CAMSAP1: variants seen among roughly 807,000 people sequenced by gnomAD.
CAMSAP1 encodes calmodulin regulated spectrin associated protein 1.
Under a neutral mutation model 143.5 loss-of-function variants are expected in CAMSAP1, and 58 were observed. The observed-to-expected ratio is 0.40, with a 90% confidence interval of 0.33 to 0.50. The LOEUF is 0.50. Ranked by LOEUF, CAMSAP1 falls within the 20% of genes least tolerant of loss-of-function variation. The pLI, the probability that CAMSAP1 is intolerant of heterozygous loss-of-function variation, is 0.45. For missense variants in CAMSAP1, 1,969 were observed against 2,115.7 expected, an observed-to-expected ratio of 0.93 and a Z score of 1.36; for synonymous variants, 945 against 859.3, an observed-to-expected ratio of 1.10 and a Z score of -1.74.
intron 1 of CAMSAP1, among the ~76,000 whole-genome samples, chr9:135,893,145 G>A (rs1243398188): frequency 6.6e-6 from 1 of 151,768 alleles, no homozygotes; most frequent in Non-Finnish European, 1.5e-5. Context: ...ACTCCAGCCT[G>A]GGAGACAGAA....
At chr9:135,836,966 T>C (rs1357678483) in intron 7 of CAMSAP1, 1 of 977,562 alleles carries the variant, frequency 1.0e-6, no homozygotes. Context: ...ACACACTTTC[T>C]ACCCATTCTA....
At chr9:135,812,097 A>G (rs759455621) in intron 16 of CAMSAP1, among the ~76,000 whole-genome samples, 2 of 152,190 alleles carry the variant, frequency 1.3e-5, no homozygotes, top group Non-Finnish European at 2.9e-5. Context: ...CCTCTCTCAC[A>G]TATGTACTCA....
At chr9:135,833,215 G>A (rs1053867873) in intron 7 of CAMSAP1, among the ~76,000 whole-genome samples, 3 of 151,390 alleles carry the variant, frequency 2.0e-5, no homozygotes, top group Non-Finnish European at 3.0e-5. Context: ...CCAAGTAGCT[G>A]GGACTACAGG....
chr9:135,895,886 A>C (rs899569666), intron 1 of CAMSAP1, among the ~76,000 whole-genome samples: 3 of 152,214 alleles, frequency 2.0e-5, no homozygotes, highest in Non-Finnish European at 4.4e-5. Context: ...TTATACAGAG[A>C]TACACCCAAA....
chr9:135,881,672 CG>C lies in CAMSAP1; in HGVS notation c.545del (p.Pro182ArgfsTer15), dbSNP rs1564456173. On this transcript the variant is annotated frameshift_variant, in exon 3 of 17. Coordinates refer to ENST00000389532, the MANE Select transcript of CAMSAP1 (RefSeq NM_015447.4). LOFTEE classifies it high-confidence loss of function. ...FSTFSASKELPYDLEDAMVFW... is the reference protein window; with the variant it reads ...FSTFSASKELXYDLEDAMVFW... ...ACACCATGGCATCCTCGAGGTCGTA[CG>C]GAAGTTCTTTCGAGGCACTGAACGT... The C allele has an allele frequency of 6.4e-7, 1 of 1,551,658 alleles. No homozygotes were observed. The highest frequency in any genetic ancestry group is 1.4e-5 in the African/African-American group (1 of 73,048).
rs1322166563 is a variant in CAMSAP1 at position 135,809,889 on chromosome 9, CTCCT to C, written c.*1416_*1419del. 6.6e-6 allele frequency: 1 copy of C among 152,612 alleles called. No homozygotes were observed. Among genetic ancestry groups the C allele is most frequent in the Admixed American group, 6.5e-5 (1 of 15,272 alleles). The allele number at this position is 152,612 out of a possible 1,614,324, so 9.5% of individuals were successfully genotyped here. A position where few individuals can be genotyped will look rare whatever the true frequency, so the allele number is the denominator to read the frequency against. ...CTTCTAGCCTTCTGTACCATGTTCC[CTCCT>C]TATGTACACGACTCACTCATGTTTT... is the stretch of plus-strand genomic sequence containing the variant. On this transcript the variant is annotated 3_prime_UTR_variant, in exon 17 of 17. Coordinates refer to ENST00000389532, the MANE Select transcript of CAMSAP1 (RefSeq NM_015447.4).
chr9:135,827,822 A>T (rs1041756239), intron 7 of CAMSAP1, among the ~76,000 whole-genome samples: 4 of 152,256 alleles, frequency 2.6e-5, no homozygotes, highest in Non-Finnish European at 5.9e-5. Flanking sequence ...ACTGAGAGGA[A>T]ATGTAAGCCC....
At chr9:135,854,378 A>G (rs1331307600) in intron 5 of CAMSAP1, among the ~76,000 whole-genome samples, 1 of 152,164 alleles carries the variant, frequency 6.6e-6, no homozygotes, top group Non-Finnish European at 1.5e-5. Flanking sequence ...TATTTTATTA[A>G]TTCTTTAAAA....
chr9:135,904,502 C>T (rs770418977), intron 1 of CAMSAP1, among the ~76,000 whole-genome samples: 1 of 151,832 alleles, frequency 6.6e-6, no homozygotes, highest in Non-Finnish European at 1.5e-5. Context: ...GAAACACAGG[C>T]AGACTCCATC....
At chr9:135,857,736 T>G (rs1837027818) in intron 5 of CAMSAP1, among the ~76,000 whole-genome samples, 1 of 152,216 alleles carries the variant, frequency 6.6e-6, no homozygotes, top group Non-Finnish European at 1.5e-5. Context: ...AGAAGAATCC[T>G]TCCCTGTGTT....
chr9:135,875,800 G>A (rs1000936884), intron 3 of CAMSAP1, among the ~76,000 whole-genome samples: 1 of 152,170 alleles, frequency 6.6e-6, no homozygotes, highest in African/African-American at 2.4e-5. Flanking sequence ...GTGGGTCACA[G>A]AGGCAAATGT....
chr9:135,884,578 G>A (rs2130990987), intron 1 of CAMSAP1, among the ~76,000 whole-genome samples: 1 of 152,318 alleles, frequency 6.6e-6, no homozygotes, highest in East Asian at 1.9e-4. Context: ...GGCAGCCAGG[G>A]CTCCAGCTAT....
chr9:135,832,398 G>T (rs1336960482), intron 7 of CAMSAP1, among the ~76,000 whole-genome samples: 2 of 152,112 alleles, frequency 1.3e-5, no homozygotes, highest in Non-Finnish European at 2.9e-5. Context: ...CACAGAACAG[G>T]TATAGAAGGA....
At chr9:135,895,176 C>G (rs1212566669) in intron 1 of CAMSAP1, among the ~76,000 whole-genome samples, 1 of 152,168 alleles carries the variant, frequency 6.6e-6, no homozygotes, top group Admixed American at 6.5e-5. Context: ...GAAACAGCAA[C>G]AGAAAGAGAG....
chr9:135,816,188 A>T (rs1233514370), intron 14 of CAMSAP1, among the ~76,000 whole-genome samples, 183 bp from the exon 15 acceptor site: 1 of 152,232 alleles, frequency 6.6e-6, no homozygotes, highest in Non-Finnish European at 1.5e-5. Context: ...AGCAAAATAC[A>T]AAAGCAAACA....
Position 135,821,161 on chromosome 9 carries a change from T to C in CAMSAP1, c.3500A>G (p.Asp1167Gly). 6.2e-7 allele frequency: 1 copy of C among 1,611,800 alleles called. No individual in the cohort carries two copies. The highest frequency in any genetic ancestry group is 8.5e-7 in the Non-Finnish European group (1 of 1,179,886). The change falls in exon 11 of 17, where the codon GAC becomes GGC. Residue 1167 changes from aspartate to glycine, a missense_variant. By Grantham distance (94) the Asp-to-Gly change is moderately conservative. This residue lies in a region of CAMSAP1 where 1,390 missense variants were observed against 1,420.8 expected (regional missense o/e 0.98). Coordinates refer to ENST00000389532, the MANE Select transcript of CAMSAP1 (RefSeq NM_015447.4). The surrounding 1 kb of genome is among the most constrained non-coding windows in gnomAD (Gnocchi z 4.6). ...GCTTTCATCATGGAGCCTGTAACTG[T>C]CGAAGAGACACTTCCCATGTGGGTC... Reference protein sequence around the residue: ...SGDPHGKCLFDSYRLHDESNQ... With the variant: ...SGDPHGKCLFGSYRLHDESNQ...
intron 15 of CAMSAP1, among the ~76,000 whole-genome samples, chr9:135,815,583 C>G (rs1835201983): frequency 6.6e-6 from 1 of 152,250 alleles, no homozygotes; most frequent in Non-Finnish European, 1.5e-5. Flanking sequence ...CACGCCTGCT[C>G]CAAGGGCAGC....
At chr9:135,846,218 A>G (rs1181559884) in intron 7 of CAMSAP1, among the ~76,000 whole-genome samples, 1 of 152,222 alleles carries the variant, frequency 6.6e-6, no homozygotes, top group Non-Finnish European at 1.5e-5. Context: ...GGCCTCAGAA[A>G]TAATGCCACA....
rs770275277 is a variant in CAMSAP1, at chr9:135,898,662, C to T, written c.160+8338G>A. 2.4e-4 allele frequency among the ~76,000 whole-genome samples: 36 copies of T among 152,230 alleles called. No individual in the cohort carries two copies. In the Middle Eastern group the frequency reaches 0.01, roughly 43 times the overall value. On this transcript the variant is annotated intron_variant, in intron 1 of 16. Coordinates refer to ENST00000389532, the MANE Select transcript of CAMSAP1 (RefSeq NM_015447.4). Reference sequence around the variant, plus strand: ...ATCAGGGAAATGCATACAAAAACCACGGTGAGATACAACCCACCTACTTAC... The same window carrying T: ...ATCAGGGAAATGCATACAAAAACCATGGTGAGATACAACCCACCTACTTAC...
Sources: allele counts gnomAD v4.1 joint callset (sites outside exome capture counted in the v4.1 genomes callset), GRCh38; gene constraint gnomAD v4.1.1; regional missense constraint gnomAD v4.1.1; non-coding constraint Gnocchi (gnomAD v3.1); transcripts MANE v1.5; gene names NCBI Gene and HGNC (gene_info 2026-07-23, HGNC 2026-07-21).